FNDC9: variants seen among roughly 807,000 people sequenced by gnomAD.
FNDC9 encodes the protein fibronectin type III domain containing 9.
Under a neutral mutation model 9.0 loss-of-function variants are expected in FNDC9, and 3 were observed. The observed-to-expected ratio is 0.33, with a 90% CI of 0.15 to 0.86. The LOEUF is 0.86. Among genes scored for constraint, FNDC9 ranks in the 40% least tolerant of loss-of-function variants. The probability of loss-of-function intolerance (pLI) is 0.53; values close to 1 mark genes in which losing one functional copy is unlikely to be tolerated. For synonymous variants in FNDC9, 114 were observed against 115.6 expected, an observed-to-expected ratio of 0.99 and a Z score of 0.09; for missense variants, 279 against 287.2, an observed-to-expected ratio of 0.97 and a Z score of 0.21.
rs554188714 is a variant in FNDC9 at position 157,342,485 on chromosome 5, G to A, written c.*377C>T. 1 of 171,368 alleles carries A rather than the reference G, an allele frequency of 5.8e-6. No individual in the cohort carries two copies. The highest frequency in any genetic ancestry group is 1.8e-4 in the South Asian group (1 of 5,416). The allele number at this position is 171,368 out of a possible 1,614,324, so 10.6% of individuals were successfully genotyped here. A position where few individuals can be genotyped will look rare whatever the true frequency, so the allele number is the denominator to read the frequency against. Reference sequence around the variant, plus strand: ...ACTGGACATCTACCTTTGCCCAAAAGTGTACCTCTGAGAGCCTACTTGTAA... The same window carrying A: ...ACTGGACATCTACCTTTGCCCAAAAATGTACCTCTGAGAGCCTACTTGTAA... On this transcript the variant is annotated 3_prime_UTR_variant, in exon 2 of 2. Coordinates refer to ENST00000312349, the MANE Select transcript of FNDC9 (RefSeq NM_001001343.4).
In FNDC9 at chr5:157,342,759, G is replaced by A. The variant is rs966525806; in HGVS notation, c.*103C>T. On this transcript the variant is annotated 3_prime_UTR_variant, in exon 2 of 2. Coordinates refer to ENST00000312349, the MANE Select transcript of FNDC9 (RefSeq NM_001001343.4). ...CCAGGTGACCTACAATAGCAGTGAC[G>A]TTTGATGGGAGAGAAATGGGTAGTC... The A allele has an allele frequency of 8.4e-6, 10 of 1,194,926 alleles. No individual in the cohort carries two copies. The highest frequency in any genetic ancestry group is 2.5e-5 in the East Asian group (1 of 39,244). 74.0% of individuals were successfully genotyped at this position (1,194,926 alleles called of 1,614,324 possible). A position where few individuals can be genotyped will look rare whatever the true frequency, so the allele number is the denominator to read the frequency against.
In FNDC9 at chr5:157,341,789, A is replaced by G. The variant is rs1018243503; in HGVS notation, c.*1073T>C. 2.6e-5 allele frequency: 4 copies of G among 155,026 alleles called. No individual in the cohort carries two copies. Among genetic ancestry groups the G allele is most frequent in the Admixed American group, 1.3e-4 (2 of 15,706 alleles). The allele number at this position is 155,026 out of a possible 1,614,324, so 9.6% of individuals were successfully genotyped here. On this transcript the variant is annotated 3_prime_UTR_variant, in exon 2 of 2. Transcript: ENST00000312349. Reference sequence around the variant, plus strand: ...CTGTGATTCTGGGATTTTGTGCTCTATAGATATAAGAGGGTACTGGGAAGG... The same window carrying G: ...CTGTGATTCTGGGATTTTGTGCTCTGTAGATATAAGAGGGTACTGGGAAGG...
chr5:157,343,608 A>T (rs1418036961), intron 1 of FNDC9, 65 bp from the exon 2 acceptor site: 20 of 1,289,704 alleles, frequency 1.6e-5, no homozygotes, highest in Non-Finnish European at 2.1e-5. Context: ...TCATAATCAT[A>T]GCCACCATTT....
In FNDC9 at chr5:157,343,287, G is replaced by A; in HGVS notation, c.250C>T (p.Pro84Ser). Residue 84 changes from proline to serine, a missense_variant, in exon 2 of 2, where the codon CCT (proline) becomes TCT (serine). Transcript: ENST00000312349. ...LCISCKKAAFPYRHYCTMFHT... is the reference protein window; with the variant it reads ...LCISCKKAAFSYRHYCTMFHT... ...AACATGGTGCAGTAGTGCCTGTAAG[G>A]GAAGGCAGCCTTCTTACAGCTGATG... 6.2e-7 allele frequency: 1 copy of A among 1,614,214 alleles called. No individual in the cohort carries two copies. Among genetic ancestry groups the A allele is most frequent in the South Asian group, 1.1e-5 (1 of 91,084 alleles).
chr5:157,342,958 T>C lies in FNDC9; in HGVS notation c.579A>G (p.Glu193=), dbSNP rs1455779521. The C allele has an allele frequency of 3.1e-6, 5 of 1,614,228 alleles. No homozygotes were observed. The Admixed American group carries it at 8.3e-5, about 27-fold the overall frequency. The change falls in exon 2 of 2, where the codon GAA becomes GAG. Residue 193 remains glutamate (E), a synonymous_variant. Coordinates refer to ENST00000312349, the MANE Select transcript of FNDC9 (RefSeq NM_001001343.4). The part of the protein sequence containing the change: ...MPRKNSRDGA[E]LDPEANQDAP... ...CATCCTGGTTGGCTTCGGGATCCAGTTCAGCTCCATCTCTGGAGTTCTTGC... is the reference window on the plus strand; with the variant it reads ...CATCCTGGTTGGCTTCGGGATCCAGCTCAGCTCCATCTCTGGAGTTCTTGC...
In FNDC9 at chr5:157,342,051, T is replaced by A. The variant is rs1238845998; in HGVS notation, c.*811A>T. 3 of 152,646 alleles carry A rather than the reference T, an allele frequency of 2.0e-5. No homozygotes were observed. Among genetic ancestry groups the A allele is most frequent in the East Asian group, 3.8e-4 (2 of 5,202 alleles). The allele number at this position is 152,646 out of a possible 1,614,324, so 9.5% of individuals were successfully genotyped here. ...AAATATTGGTGCTAATATGTCTTTA[T>A]TACCTCTCCAACACTGGATCTCCCT... On this transcript the variant is annotated 3_prime_UTR_variant, in exon 2 of 2. Transcript: ENST00000312349.
chr5:157,342,584 T>A lies in FNDC9; in HGVS notation c.*278A>T, dbSNP rs1007993049. The A allele has an allele frequency of 1.1e-5, 4 of 356,222 alleles. No individual in the cohort carries two copies. Among genetic ancestry groups the A allele is most frequent in the African/African-American group, 8.2e-5 (4 of 48,876 alleles). 22.1% of individuals were successfully genotyped at this position (356,222 alleles called of 1,614,324 possible). A position where few individuals can be genotyped will look rare whatever the true frequency, so the allele number is the denominator to read the frequency against. ...TGCTTTCTACTTTATAACATATCCA[T>A]GTTTGTTTTAATGTTAAAACAATGC... On this transcript the variant is annotated 3_prime_UTR_variant, in exon 2 of 2. Coordinates refer to ENST00000312349, the MANE Select transcript of FNDC9 (RefSeq NM_001001343.4).
rs1371278978 is a variant in FNDC9, at chr5:157,342,998, A to T, written c.539T>A (p.Leu180Gln). Reference protein sequence around the residue: ...QREEDLQGLPLVEMPRKNSRD... With the variant: ...QREEDLQGLPQVEMPRKNSRD... ...GGAGTTCTTGCGTGGCATTTCCACC[A>T]GGGGGAGCCCCTGCAGGTCTTCCTC... The change falls in exon 2 of 2, where the codon CTG becomes CAG. Residue 180 changes from leucine to glutamine, a missense_variant. By Grantham distance (113) the Leu-to-Gln change is moderately radical. Coordinates refer to ENST00000312349, the MANE Select transcript of FNDC9 (RefSeq NM_001001343.4). 7 of 1,614,084 alleles carry T rather than the reference A, an allele frequency of 4.3e-6. No homozygotes were observed. Among genetic ancestry groups the T allele is most frequent in the Non-Finnish European group, 5.1e-6 (6 of 1,180,042 alleles).
chr5:157,341,962 A>T lies in FNDC9; in HGVS notation c.*900T>A, dbSNP rs1161574858. The T allele has an allele frequency of 1.3e-5, 2 of 152,404 alleles. No individual in the cohort carries two copies. The highest frequency in any genetic ancestry group is 1.5e-5 in the Non-Finnish European group (1 of 68,056). 9.4% of individuals were successfully genotyped at this position (152,404 alleles called of 1,614,324 possible). On this transcript the variant is annotated 3_prime_UTR_variant, in exon 2 of 2. Transcript: ENST00000312349. The stretch of plus-strand genomic sequence containing the variant: ...GCATTTAACTAACACTGACTCGCAA[A>T]GTAAAAACAGCACTTCCCTTTTCGA...
chr5:157,343,249 A>C lies in FNDC9; in HGVS notation c.288T>G (p.Asp96Glu). ...AGCTTCCAGGAGCCAGCGGACTCTT[A>C]TCCAGGGTGTGGAACATGGTGCAGT... ...RHYCTMFHTL[D>E]KSPLAPGSSL... The change falls in exon 2 of 2, where the codon GAT becomes GAG. Residue 96 changes from aspartate (D) to glutamate (E), a missense_variant. Asp to Glu is a conservative substitution (Grantham distance 45). Coordinates refer to ENST00000312349, the MANE Select transcript of FNDC9 (RefSeq NM_001001343.4). 6.2e-7 allele frequency: 1 copy of C among 1,614,190 alleles called. No individual in the cohort carries two copies.
intron 1 of FNDC9, among the ~76,000 whole-genome samples, chr5:157,344,758 G>A (rs1581108926): frequency 6.6e-6 from 1 of 152,178 alleles, no homozygotes; most frequent in East Asian, 1.9e-4. Context: ...ATTTTGGGTT[G>A]CAGTGACATA....
chr5:157,343,662 G>C, intron 1 of FNDC9, 119 bp from the exon 2 acceptor site: 1 of 828,362 alleles, frequency 1.2e-6, no homozygotes, highest in South Asian at 2.0e-5. Context: ...TCATCTTACA[G>C]ACAAAGAAAT....
chr5:157,342,678 C>T lies in FNDC9; in HGVS notation c.*184G>A. The T allele has an allele frequency of 1.7e-6, 1 of 595,750 alleles. No homozygotes were observed. Among genetic ancestry groups the T allele is most frequent in the South Asian group, 2.7e-5 (1 of 37,564 alleles). 36.9% of individuals were successfully genotyped at this position (595,750 alleles called of 1,614,324 possible). A position where few individuals can be genotyped will look rare whatever the true frequency, so the allele number is the denominator to read the frequency against. ...GATGCCTCGTTTGTGCCTTGGCATACCCTGGGGGATACATTTTCCAGCTTG... is the reference window on the plus strand; with the variant it reads ...GATGCCTCGTTTGTGCCTTGGCATATCCTGGGGGATACATTTTCCAGCTTG... On this transcript the variant is annotated 3_prime_UTR_variant, in exon 2 of 2. Coordinates refer to ENST00000312349, the MANE Select transcript of FNDC9 (RefSeq NM_001001343.4).
At chr5:157,344,168 A>G (rs1213086304) in intron 1 of FNDC9, among the ~76,000 whole-genome samples, 4 of 152,172 alleles carry the variant, frequency 2.6e-5, no homozygotes, top group African/African-American at 4.8e-5. Context: ...CAGCGGTACC[A>G]GGAAATTTAT....
At position 157,342,935 on chromosome 5, in the gene FNDC9, T is replaced by TC. The variant is rs747309879; in HGVS notation, c.601dup (p.Asp201GlyfsTer4). 6.2e-7 allele frequency: 1 copy of TC among 1,614,210 alleles called. No homozygotes were observed. ...CTGTAAGGCACCCGCATCAGGGGCA[T>TC]CCTGGTTGGCTTCGGGATCCAGTTC... On this transcript the variant is annotated frameshift_variant, in exon 2 of 2. Transcript: ENST00000312349. LOFTEE classifies it low-confidence loss of function (END_TRUNC).
rs1249182231 is a variant in FNDC9, at chr5:157,341,869, C to G, written c.*993G>C. 6.6e-6 allele frequency: 1 copy of G among 152,206 alleles called. No homozygotes were observed. The highest frequency in any genetic ancestry group is 1.5e-5 in the Non-Finnish European group (1 of 68,070). 9.4% of individuals were successfully genotyped at this position (152,206 alleles called of 1,614,324 possible). On this transcript the variant is annotated 3_prime_UTR_variant, in exon 2 of 2. Transcript: ENST00000312349. Reference sequence around the variant, plus strand: ...TCTTCTCCAGAACAGCCTGCCTAGTCTGGTCAAGACAATTTTCTCAAATCA... The same window carrying G: ...TCTTCTCCAGAACAGCCTGCCTAGTGTGGTCAAGACAATTTTCTCAAATCA...
chr5:157,344,898 G>A (rs921851629), intron 1 of FNDC9, among the ~76,000 whole-genome samples: 6 of 152,220 alleles, frequency 3.9e-5, no homozygotes, highest in African/African-American at 4.8e-5. Context: ...TCCTCCAGGA[G>A]TGGAGCTGCA....
In FNDC9 at chr5:157,343,244, C is replaced by T. The variant is rs35576540; in HGVS notation, c.293G>A (p.Ser98Asn). The T allele has an allele frequency of 4.7e-4, 764 of 1,614,194 alleles. 5 individuals carry two copies. The African/African-American group carries it at 9.3e-3, about 20-fold the overall frequency. The change falls in exon 2 of 2, where the codon AGT becomes AAT. Residue 98 changes from serine to asparagine, a missense_variant. By Grantham distance (46) the Ser-to-Asn change is conservative. Transcript: ENST00000312349. ...CAGGGAGCTTCCAGGAGCCAGCGGA[C>T]TCTTATCCAGGGTGTGGAACATGGT... Reference protein sequence around the residue: ...YCTMFHTLDKSPLAPGSSLVD... With the variant: ...YCTMFHTLDKNPLAPGSSLVD...
rs1427635038 is a variant in FNDC9 at position 157,343,121 on chromosome 5, C to A, written c.416G>T (p.Arg139Leu). 1 of 1,614,178 alleles carries A rather than the reference C, an allele frequency of 6.2e-7. No individual in the cohort carries two copies. Among genetic ancestry groups the A allele is most frequent in the East Asian group, 2.2e-5 (1 of 44,880 alleles). ...GTAAGACCATCGCGGCTCATGGCAA[C>A]GGACACACCAGAACTGGAGGCAGAT... Reference protein sequence around the residue: ...AFICLQFWCVRCHEPRWSYRA... With the variant: ...AFICLQFWCVLCHEPRWSYRA... Residue 139 changes from arginine (R) to leucine (L), a missense_variant, in exon 2 of 2, where the codon CGT (arginine) becomes CTT (leucine). Physicochemically the swap from Arg to Leu is moderately radical, Grantham distance 102. Transcript: ENST00000312349.
Sources: gnomAD v4.1 joint callset for allele counts (sites outside exome capture counted in the v4.1 genomes callset) on GRCh38, gnomAD v4.1.1 for gene constraint, MANE v1.5 for transcripts, NCBI Gene and HGNC (gene_info 2026-07-23, HGNC 2026-07-21) for gene names.